PLCB4: variants seen among roughly 807,000 people sequenced by gnomAD.
The protein encoded by PLCB4 is 1-phosphatidylinositol 4,5-bisphosphate phosphodiesterase beta-4.
PLCB4 carries 77 observed loss-of-function variants against 178.8 expected under a neutral mutation model. That is an observed-to-expected ratio of 0.43 (90% CI 0.36 to 0.52). PLCB4 has a LOEUF of 0.52. Ranked by LOEUF, PLCB4 falls within the 20% of genes least tolerant of loss-of-function variation. The probability of loss-of-function intolerance (pLI) is 0.00; values close to 1 mark genes in which losing one functional copy is unlikely to be tolerated. For missense variants in PLCB4, 1,024 were observed against 1,453.4 expected (o/e 0.70, Z 4.80); for synonymous variants, 496 against 490.8 (o/e 1.01, Z -0.14).
At chr20:9,090,254 T>A (rs2090617847) in intron 1 of PLCB4, among the ~76,000 whole-genome samples, 1 of 152,024 alleles carries the variant, frequency 6.6e-6, no homozygotes, top group African/African-American at 2.4e-5. Flanking sequence ...TGTGTCTGTG[T>A]CTGTCATGGG....
At position 9,384,250 on chromosome 20, in the gene PLCB4, C is replaced by T. The variant is rs142446000; in HGVS notation, c.903C>T (p.Asn301=). 4.8e-5 allele frequency: 78 copies of T among 1,613,972 alleles called. No individual in the cohort carries two copies. Among genetic ancestry groups the T allele is most frequent in the South Asian group, 2.9e-4 (26 of 91,084 alleles). Residue 301 remains asparagine (N), a synonymous_variant, in exon 14 of 40, where the codon AAC becomes AAT. Transcript: ENST00000378473. ...GCAGATATCTGATGTCAGATGAAAACGCCCCAGTCTTCCTAGATCGTTTAG... is the reference window on the plus strand; with the variant it reads ...GCAGATATCTGATGTCAGATGAAAATGCCCCAGTCTTCCTAGATCGTTTAG... ...GFCRYLMSDE[N]APVFLDRLEL... is the part of the protein sequence containing the mutation.
chr20:9,218,555 C>A (rs892681447), intron 3 of PLCB4, among the ~76,000 whole-genome samples: 2 of 152,166 alleles, frequency 1.3e-5, no homozygotes, highest in African/African-American at 2.4e-5. Context: ...GGATCTGTTC[C>A]TCTGGGCTGT....
intron 25 of PLCB4, among the ~76,000 whole-genome samples, chr20:9,416,662 T>A: frequency 6.6e-6 from 1 of 152,212 alleles, no homozygotes; most frequent in Middle Eastern, 3.2e-3. Context: ...CAAAAAAAGC[T>A]GCAAATCTAA....
chr20:9,379,954 A>AG, intron 12 of PLCB4, 100 bp from the exon 13 acceptor site: 2 of 601,764 alleles, frequency 3.3e-6, no homozygotes, highest in Non-Finnish European at 6.0e-6. Flanking sequence ...TAAACATGAC[A>AG]GTCTAGATAT....
chr20:9,198,818 A>G (rs1481513734), intron 2 of PLCB4, among the ~76,000 whole-genome samples: 1 of 152,202 alleles, frequency 6.6e-6, no homozygotes, highest in East Asian at 1.9e-4. Flanking sequence ...GTCAAATTGG[A>G]ATAGAAGAAT....
chr20:9,356,941 C>A (rs747159454), intron 7 of PLCB4, among the ~76,000 whole-genome samples: 6 of 152,172 alleles, frequency 3.9e-5, no homozygotes, highest in South Asian at 2.1e-4. Flanking sequence ...CATGGCCAGA[C>A]CCCATCTCTG....
At chr20:9,392,041 C>T (rs562479998) in intron 17 of PLCB4, among the ~76,000 whole-genome samples, 1 of 152,296 alleles carries the variant, frequency 6.6e-6, no homozygotes, top group South Asian at 2.1e-4. Context: ...AACTAAGAAA[C>T]AGCTCTGATT....
intron 2 of PLCB4, among the ~76,000 whole-genome samples, chr20:9,189,450 G>T (rs1190419397): frequency 2.3e-5 from 3 of 131,470 alleles, no homozygotes. Context: ...GACATTCTGG[G>T]TTGGTTAATT....
chr20:9,224,029 C>G (rs2093832482), intron 3 of PLCB4, among the ~76,000 whole-genome samples: 1 of 152,156 alleles, frequency 6.6e-6, no homozygotes, highest in Admixed American at 6.5e-5. Flanking sequence ...TACTTTTGGA[C>G]TGTGGTTGAC....
intron 3 of PLCB4, among the ~76,000 whole-genome samples, chr20:9,300,651 G>C (rs1374294417): frequency 6.6e-6 from 1 of 152,112 alleles, no homozygotes; most frequent in Non-Finnish European, 1.5e-5. Context: ...AGAAGGACAG[G>C]AATGATCTGA....
At chr20:9,143,513 C>A (rs910319831) in intron 2 of PLCB4, among the ~76,000 whole-genome samples, 9 of 152,008 alleles carry the variant, frequency 5.9e-5, no homozygotes, top group African/African-American at 2.2e-4. Flanking sequence ...TTAGCTAGTT[C>A]CAGAAAGTTT....
intron 7 of PLCB4, among the ~76,000 whole-genome samples, chr20:9,348,463 G>A (rs1242454157): frequency 6.6e-6 from 1 of 152,162 alleles, no homozygotes; most frequent in Non-Finnish European, 1.5e-5. Flanking sequence ...CAATGAATTT[G>A]TTTAAATTTT....
intron 24 of PLCB4, 68 bp from the exon 25 acceptor site, chr20:9,410,969 A>G: frequency 8.8e-7 from 1 of 1,133,374 alleles, no homozygotes; most frequent in Non-Finnish European, 1.3e-6. Flanking sequence ...CTATTGTTTC[A>G]AATCACCCCG....
Position 9,339,027 on chromosome 20 carries a change from A to G in PLCB4, c.359A>G (p.Glu120Gly), listed in dbSNP as rs774082540. 1 of 1,612,884 alleles carries G rather than the reference A, an allele frequency of 6.2e-7. No homozygotes were observed. The highest frequency in any genetic ancestry group is 1.1e-5 in the South Asian group (1 of 90,978). Residue 120 changes from glutamate to glycine, a missense_variant, in exon 7 of 40, where the codon GAA (glutamate) becomes GGA (glycine). By Grantham distance (98) the Glu-to-Gly change is moderately conservative. Transcript: ENST00000378473. ...ACCTACATGGTGGCTGAAAATCCAGAAGTAACTAAGGTAGCTTCAGTTAAA... is the reference window on the plus strand; with the variant it reads ...ACCTACATGGTGGCTGAAAATCCAGGAGTAACTAAGGTAGCTTCAGTTAAA... ...SFTYMVAENP[E>G]VTKQWVEGLR... is the part of the protein sequence containing the mutation.
intron 2 of PLCB4, among the ~76,000 whole-genome samples, chr20:9,162,724 T>A (rs1212513746): frequency 1.3e-5 from 2 of 152,150 alleles, no homozygotes; most frequent in Non-Finnish European, 2.9e-5. Flanking sequence ...TTTGTGGTAA[T>A]AAACTATTGT....
At chr20:9,293,491 G>T (rs2147779900) in intron 3 of PLCB4, among the ~76,000 whole-genome samples, 1 of 137,686 alleles carries the variant, frequency 7.3e-6, no homozygotes, top group South Asian at 2.4e-4. Context: ...GAGGACGAGA[G>T]GAAGGAAGGA....
intron 5 of PLCB4, 121 bp from the exon 6 acceptor site, chr20:9,337,887 T>G: frequency 1.6e-6 from 1 of 640,668 alleles, no homozygotes; most frequent in Non-Finnish European, 2.9e-6. Context: ...TTTAATTCCC[T>G]CTTCAAGCTG....
chr20:9,338,465 A>G (rs1222056863), intron 6 of PLCB4, among the ~76,000 whole-genome samples: 1 of 152,124 alleles, frequency 6.6e-6, no homozygotes, highest in Non-Finnish European at 1.5e-5. Flanking sequence ...AGATCCCTTG[A>G]GCCCAGGAGT....
intron 3 of PLCB4, among the ~76,000 whole-genome samples, chr20:9,292,899 C>T (rs528340535): frequency 6.6e-6 from 1 of 152,016 alleles, no homozygotes; most frequent in African/African-American, 2.4e-5. Context: ...GCCAACATGG[C>T]GAAACCCTGT....
Sources: gnomAD v4.1 joint callset for allele counts (sites outside exome capture counted in the v4.1 genomes callset) on GRCh38, gnomAD v4.1.1 for gene constraint, MANE v1.5 for transcripts, NCBI Gene and HGNC (gene_info 2026-07-23, HGNC 2026-07-21) for gene names.